The following SHISA9 variants were observed in gnomAD, a reference collection of about 807,000 sequenced individuals.
SHISA9 encodes shisa family member 9.
SHISA9 carries 13 observed loss-of-function variants against 38.0 expected under a neutral mutation model. That is an observed-to-expected ratio of 0.34 (90% confidence interval 0.22 to 0.54). The LOEUF is 0.54. Among genes scored for constraint, SHISA9 ranks in the 20% least tolerant of loss-of-function variants. SHISA9 has a pLI of 0.91. For missense variants in SHISA9, 538 were observed against 575.8 expected (o/e 0.93, Z 0.67); for synonymous variants, 275 against 242.0 (o/e 1.14, Z -1.27).
intron 3 of SHISA9, among the ~76,000 whole-genome samples, chr16:13,207,567 T>C (rs2051077712): frequency 6.6e-6 from 1 of 151,880 alleles, no homozygotes; most frequent in African/African-American, 2.4e-5. Context: ...CAGTCCTAGA[T>C]GGGGTTGATG....
At chr16:13,077,480 C>A (rs1296982710) in intron 2 of SHISA9, among the ~76,000 whole-genome samples, 1 of 152,114 alleles carries the variant, frequency 6.6e-6, no homozygotes. Context: ...CTGGCCCAAT[C>A]AGGAATGGCC....
chr16:13,459,438 A>G, the SHISA9 span, among the ~76,000 whole-genome samples: 1 of 152,148 alleles, frequency 6.6e-6, no homozygotes, highest in Non-Finnish European at 1.5e-5. Flanking sequence ...GTATCAGTAG[A>G]AGCAAGATAC....
At chr16:13,256,658 T>C in the SHISA9 span, among the ~76,000 whole-genome samples, 1 of 152,238 alleles carries the variant, frequency 6.6e-6, no homozygotes, top group Non-Finnish European at 1.5e-5. Flanking sequence ...AGTTTGTCTC[T>C]GAATTCCCAT....
intron 2 of SHISA9, among the ~76,000 whole-genome samples, chr16:13,128,443 G>A (rs1266081450): frequency 6.6e-6 from 1 of 152,022 alleles, no homozygotes; most frequent in African/African-American, 2.4e-5. Flanking sequence ...GGCTCCATTG[G>A]CTCGGTGGCC....
the SHISA9 span, among the ~76,000 whole-genome samples, chr16:13,362,137 G>A: frequency 6.7e-6 from 1 of 149,798 alleles, no homozygotes; most frequent in Non-Finnish European, 1.5e-5. Context: ...ACCAAGGCAG[G>A]CAGATTGCTT....
intron 1 of SHISA9, chr16:12,902,964 G>C (rs767138925): frequency 3.5e-6 from 1 of 285,014 alleles, no homozygotes; most frequent in African/African-American, 2.2e-5. Flanking sequence ...GAAATCTTCG[G>C]GTTTGGGGAG....
chr16:13,337,768 T>C, the SHISA9 span, among the ~76,000 whole-genome samples: 1 of 152,150 alleles, frequency 6.6e-6, no homozygotes, highest in Non-Finnish European at 1.5e-5. Flanking sequence ...GACTTCCCCC[T>C]GCTGTTCTTA....
At chr16:13,494,000 A>G in the SHISA9 span, among the ~76,000 whole-genome samples, 17 of 152,298 alleles carry the variant, frequency 1.1e-4, no homozygotes, top group Middle Eastern at 3.4e-3. Context: ...GAGTTGTGAC[A>G]TGGTGGAGGA....
intron 1 of SHISA9, chr16:12,909,444 T>C (rs1567335128): frequency 2.0e-6 from 2 of 985,460 alleles, no homozygotes; most frequent in East Asian, 1.1e-4. Context: ...TTGGGATACC[T>C]GGAGGCTTTG....
At chr16:13,080,501 C>T (rs2073636314) in intron 2 of SHISA9, among the ~76,000 whole-genome samples, 2 of 151,752 alleles carry the variant, frequency 1.3e-5, no homozygotes, top group Non-Finnish European at 1.5e-5. Context: ...CCTGTGTCTG[C>T]CCCTTCATGG....
At chr16:13,433,705 T>C in the SHISA9 span, among the ~76,000 whole-genome samples, 1 of 152,232 alleles carries the variant, frequency 6.6e-6, no homozygotes, top group Admixed American at 6.5e-5. Flanking sequence ...GTAAAAACTC[T>C]GGGAATGCAA....
chr16:13,380,673 TTTA>T, the SHISA9 span, among the ~76,000 whole-genome samples: 17 of 152,078 alleles, frequency 1.1e-4, no homozygotes, highest in African/African-American at 4.1e-4. Flanking sequence ...AACTTGGCAT[TTTA>T]TTATTATTAT....
At chr16:12,929,708 G>A (rs1389442069) in intron 2 of SHISA9, among the ~76,000 whole-genome samples, 3 of 151,918 alleles carry the variant, frequency 2.0e-5, no homozygotes, top group Admixed American at 6.6e-5. Context: ...CAGGTGATGG[G>A]ATAATCTGTG....
chr16:12,911,435 G>A (rs1305461931), intron 1 of SHISA9: 4 of 955,730 alleles, frequency 4.2e-6, no homozygotes, highest in Non-Finnish European at 5.0e-6. Context: ...ACATTTATAA[G>A]CATATGCATG....
At chr16:13,250,432 A>C in the SHISA9 span, among the ~76,000 whole-genome samples, 1 of 152,260 alleles carries the variant, frequency 6.6e-6, no homozygotes, top group East Asian at 1.9e-4. Context: ...TAGACTCCTA[A>C]GAGCATTAGG....
chr16:13,362,295 C>T, the SHISA9 span, among the ~76,000 whole-genome samples: 2 of 151,170 alleles, frequency 1.3e-5, no homozygotes, highest in Admixed American at 6.6e-5. Flanking sequence ...ACCAGCCCAG[C>T]GTGGTGGTGT....
intron 2 of SHISA9, among the ~76,000 whole-genome samples, chr16:12,990,059 C>T (rs1258018154): frequency 1.3e-5 from 2 of 152,122 alleles, no homozygotes; most frequent in African/African-American, 4.8e-5. Flanking sequence ...TGTCAGTTTG[C>T]TGGGAATGAT....
At chr16:13,355,398 T>G in the SHISA9 span, among the ~76,000 whole-genome samples, 1 of 151,352 alleles carries the variant, frequency 6.6e-6, no homozygotes, top group Non-Finnish European at 1.5e-5. Context: ...TAGAGGTATC[T>G]TATACTTGTG....
intron 2 of SHISA9, among the ~76,000 whole-genome samples, chr16:13,000,216 G>C (rs185284766): frequency 6.6e-6 from 1 of 152,136 alleles, no homozygotes; most frequent in East Asian, 1.9e-4. Flanking sequence ...GGGGGGACAA[G>C]CTGCTTCAAT....
Sources: allele counts gnomAD v4.1 joint callset (sites outside exome capture counted in the v4.1 genomes callset), GRCh38; gene constraint gnomAD v4.1.1; transcripts MANE v1.5; gene names NCBI Gene and HGNC (gene_info 2026-07-23, HGNC 2026-07-21).